Variants in NHSL1 observed in about 807,000 individuals in gnomAD.
NHSL1 encodes the protein NHS like 1.
NHSL1 carries 48 observed loss-of-function variants against 95.0 expected under a neutral mutation model. That is an observed-to-expected ratio of 0.51 (90% CI 0.40 to 0.64). The LOEUF (loss-of-function observed/expected upper bound fraction) is 0.64. Among genes scored for constraint, NHSL1 ranks in the 30% least tolerant of loss-of-function variants. The pLI is 0.00. For missense variants in NHSL1, 1,971 were observed against 2,077.7 expected, an observed-to-expected ratio of 0.95 and a Z score of 1.00; for synonymous variants, 783 against 833.9, an observed-to-expected ratio of 0.94 and a Z score of 1.05.
At chr6:138,591,147 G>A (rs771580677) in intron 1 of NHSL1, among the ~76,000 whole-genome samples, 4 of 152,170 alleles carry the variant, frequency 2.6e-5, no homozygotes, top group Non-Finnish European at 5.9e-5. Flanking sequence ...TTGAGAATGT[G>A]CAGGATATAA....
chr6:138,658,672 TGTG>T (rs1440355347), intron 1 of NHSL1, among the ~76,000 whole-genome samples: 1 of 152,194 alleles, frequency 6.6e-6, no homozygotes, highest in Non-Finnish European at 1.5e-5. Flanking sequence ...ATCTCTTTGA[TGTG>T]GTGATTTTTT....
intron 1 of NHSL1, among the ~76,000 whole-genome samples, chr6:138,589,075 T>C (rs1279468285): frequency 2.6e-5 from 4 of 152,184 alleles, no homozygotes; most frequent in Non-Finnish European, 5.9e-5. Flanking sequence ...GGAGTATTTG[T>C]ATCCTAACAC....
upstream of NHSL1, among the ~76,000 whole-genome samples, chr6:138,503,276 CG>C (rs1780783645): frequency 6.6e-6 from 1 of 152,132 alleles, no homozygotes; most frequent in African/African-American, 2.4e-5. Flanking sequence ...GCTCCTTCTC[CG>C]AATTCCAACA....
upstream of NHSL1, among the ~76,000 whole-genome samples, chr6:138,693,097 C>T (rs1421809037): frequency 6.6e-6 from 1 of 151,576 alleles, no homozygotes; most frequent in Non-Finnish European, 1.5e-5. The surrounding 1 kb of genome is among the most constrained non-coding windows in gnomAD (Gnocchi z 4.3). Flanking sequence ...GCGGCCGCGG[C>T]GGCGAGGGGA....
chr6:138,494,875 C>G (rs1339833598), intron 2 of NHSL1, among the ~76,000 whole-genome samples: 1 of 152,194 alleles, frequency 6.6e-6, no homozygotes, highest in Admixed American at 6.5e-5. Flanking sequence ...TCACTCCTTC[C>G]TCTTTGAAGA....
At chr6:138,504,908 G>GTTTC (rs1780879849) in intron 1 of NHSL1, among the ~76,000 whole-genome samples, 1 of 152,122 alleles carries the variant, frequency 6.6e-6, no homozygotes, top group Non-Finnish European at 1.5e-5. Context: ...AATGTTTCAG[G>GTTTC]AACCAAATAA....
chr6:138,679,906 T>C (rs1368015761), intron 1 of NHSL1, among the ~76,000 whole-genome samples: 4 of 152,132 alleles, frequency 2.6e-5, no homozygotes, highest in Non-Finnish European at 5.9e-5. Context: ...TTGATTACTA[T>C]AATTAAATAT....
chr6:138,625,063 C>T (rs750430144), intron 1 of NHSL1, among the ~76,000 whole-genome samples: 36 of 151,978 alleles, frequency 2.4e-4, no homozygotes, highest in Non-Finnish European at 3.7e-4. Flanking sequence ...AATGTTAATA[C>T]GGTGGATATT....
intron 1 of NHSL1, among the ~76,000 whole-genome samples, chr6:138,608,207 T>C (rs185438354): frequency 5.9e-5 from 9 of 152,352 alleles, no homozygotes; most frequent in African/African-American, 1.9e-4. Context: ...GGCACTAACA[T>C]GTCTGCCTGT....
intron 1 of NHSL1, among the ~76,000 whole-genome samples, chr6:138,558,296 G>A (rs1477003920): frequency 2.7e-5 from 4 of 150,280 alleles, no homozygotes; most frequent in Admixed American, 1.3e-4. Context: ...CTAATTTTTT[G>A]TATTTTTAGT....
chr6:138,602,534 G>T (rs1347357550), intron 1 of NHSL1, among the ~76,000 whole-genome samples: 1 of 152,044 alleles, frequency 6.6e-6, no homozygotes, highest in Non-Finnish European at 1.5e-5. Context: ...TAGAGAAGGG[G>T]TTTCACCATG....
chr6:138,606,702 C>CTTTCT (rs1784438310), intron 1 of NHSL1, among the ~76,000 whole-genome samples: 1 of 123,414 alleles, frequency 8.1e-6, no homozygotes, highest in African/African-American at 3.1e-5. Flanking sequence ...TTCTTTCTTT[C>CTTTCT]TTTTTTTTTT....
intron 3 of NHSL1, among the ~76,000 whole-genome samples, chr6:138,468,321 TATA>T (rs905152568): frequency 1.3e-5 from 2 of 152,194 alleles, no homozygotes; most frequent in Non-Finnish European, 2.9e-5. Flanking sequence ...GAGTATTCAG[TATA>T]ATAACATGCT....
intron 3 of NHSL1, among the ~76,000 whole-genome samples, chr6:138,471,761 T>C (rs1489320202): frequency 1.3e-5 from 2 of 150,644 alleles, no homozygotes; most frequent in Non-Finnish European, 3.0e-5. Flanking sequence ...TGTCTTGCCG[T>C]AAAAAAAAAG....
chr6:138,607,310 T>C (rs937752037), intron 1 of NHSL1, among the ~76,000 whole-genome samples: 1 of 152,166 alleles, frequency 6.6e-6, no homozygotes, highest in African/African-American at 2.4e-5. Flanking sequence ...ACCTTATTGC[T>C]ATGAACATTA....
intron 1 of NHSL1, among the ~76,000 whole-genome samples, chr6:138,674,036 T>C (rs1278917255): frequency 1.3e-5 from 2 of 152,204 alleles, no homozygotes; most frequent in African/African-American, 4.8e-5. Context: ...ATAAATGGGA[T>C]TACAGATACA....
chr6:138,557,901 G>A (rs961354459), intron 1 of NHSL1, among the ~76,000 whole-genome samples: 4 of 152,176 alleles, frequency 2.6e-5, no homozygotes, highest in African/African-American at 9.6e-5. Flanking sequence ...CACAAACCAT[G>A]ACCTGTAAAC....
At position 138,528,460 on chromosome 6, in the gene NHSL1, C is replaced by A. The variant is rs75786572; in HGVS notation, c.16+17163G>T. 1.9e-3 allele frequency among the ~76,000 whole-genome samples: 284 copies of A among 152,262 alleles called. 3 individuals carry two copies. In the East Asian group the frequency reaches 0.034, roughly 18 times the overall value. The stretch of plus-strand genomic sequence containing the variant: ...CTACCCTGCCTTTTAAATTTTCATT[C>A]TTTGACTAGTCATTCAAGAAGTTAT... On this transcript the variant is annotated intron_variant, in intron 1 of 4. Coordinates refer to the NHSL1 transcript ENST00000342260.
At chr6:138,651,945 C>T (rs1024692628) in intron 1 of NHSL1, among the ~76,000 whole-genome samples, 17 of 152,100 alleles carry the variant, frequency 1.1e-4, no homozygotes, top group African/African-American at 4.1e-4. Flanking sequence ...AATAAGTATA[C>T]TCAATGTTAA....
Sources: allele counts gnomAD v4.1 joint callset (sites outside exome capture counted in the v4.1 genomes callset), GRCh38; gene constraint gnomAD v4.1.1; non-coding constraint Gnocchi (gnomAD v3.1); transcripts MANE v1.5; gene names NCBI Gene and HGNC (gene_info 2026-07-23, HGNC 2026-07-21).